Variants in CCDC88A observed in about 807,000 individuals in gnomAD.
The protein encoded by CCDC88A is coiled-coil and HOOK domain protein 88A.
A neutral mutation model predicts 234.3 loss-of-function variants in CCDC88A; 54 were observed. The ratio of observed to expected loss-of-function variants is 0.23; its 90% CI spans 0.19 to 0.29. CCDC88A has a LOEUF of 0.29. Among genes scored for constraint, CCDC88A ranks in the 10% least tolerant of loss-of-function variants. CCDC88A has a pLI of 1.00. For missense variants in CCDC88A, 1,832 were observed against 2,123.4 expected, an observed-to-expected ratio of 0.86 and a Z score of 2.70; for synonymous variants, 753 against 737.8, an observed-to-expected ratio of 1.02 and a Z score of -0.33.
chr2:55,315,743 T>C (rs1310565908), intron 22 of CCDC88A, among the ~76,000 whole-genome samples, 185 bp downstream of exon 22: 1 of 152,222 alleles, frequency 6.6e-6, no homozygotes, highest in Non-Finnish European at 1.5e-5. Flanking sequence ...TTTTAAAATA[T>C]TGTAATTAAT....
At chr2:55,381,777 T>A (rs73939645) in intron 3 of CCDC88A, among the ~76,000 whole-genome samples, 5,250 of 152,216 alleles carry the variant, frequency 0.034, 274 homozygotes, top group African/African-American at 0.12. Flanking sequence ...TTAACACTTC[T>A]GGCAAAGGTC....
chr2:55,313,936 T>C (rs1682650658), intron 22 of CCDC88A: 1 of 152,230 alleles, frequency 6.6e-6, no homozygotes, highest in Admixed American at 6.5e-5. Flanking sequence ...ATTTATTTTC[T>C]TCCCTGTACC....
intron 3 of CCDC88A, among the ~76,000 whole-genome samples, chr2:55,381,170 C>T (rs188954342): frequency 6.6e-6 from 1 of 152,134 alleles, no homozygotes; most frequent in East Asian, 1.9e-4. Flanking sequence ...CACCATATAC[C>T]GTAGGTGTGT....
rs540350974 is a variant in CCDC88A at position 55,398,856 on chromosome 2, C to A, written c.165-9970G>T. ...CTCCCACCTGGGTGACAGAGCAAGA[C>A]CCTGCCTAACAAAAAAAAAAAGAAA... On this transcript the variant is annotated intron_variant, in intron 2 of 32. Transcript: ENST00000436346. 1.7e-3 allele frequency among the ~76,000 whole-genome samples: 254 copies of A among 151,246 alleles called. 3 individuals are homozygous for A. Among genetic ancestry groups the A allele is most frequent in the Middle Eastern group, 3.4e-3 (1 of 290 alleles).
chr2:55,296,645 AT>A, intron 29 of CCDC88A, 122 bp from the exon 30 acceptor site: 1 of 892,344 alleles, frequency 1.1e-6, no homozygotes, highest in Non-Finnish European at 1.7e-6. Context: ...TTCAAGCTTT[AT>A]TTAGAAATGC....
chr2:55,338,556 G>A (rs1668077667), intron 13 of CCDC88A, among the ~76,000 whole-genome samples: 2 of 152,310 alleles, frequency 1.3e-5, no homozygotes, highest in South Asian at 4.1e-4. Context: ...TTAAGATTCA[G>A]GTTTCATAAT....
intron 31 of CCDC88A, 100 bp from the exon 32 acceptor site, chr2:55,291,875 G>A: frequency 1.3e-6 from 1 of 796,090 alleles, no homozygotes; most frequent in Non-Finnish European, 2.0e-6. Flanking sequence ...CAAGGAGAAG[G>A]AATCTGTAAC....
At chr2:55,372,090 C>A (rs1672931711) in intron 5 of CCDC88A, among the ~76,000 whole-genome samples, 1 of 151,952 alleles carries the variant, frequency 6.6e-6, no homozygotes, top group Non-Finnish European at 1.5e-5. Flanking sequence ...TTCTCTTCTC[C>A]CTTCCCTTCT....
rs140624124 is a variant in CCDC88A at position 55,380,910 on chromosome 2, C to T, written c.274-6027G>A. On this transcript the variant is annotated intron_variant, in intron 3 of 32. Coordinates refer to ENST00000436346, the MANE Select transcript of CCDC88A (RefSeq NM_001365480.1). Reference sequence around the variant, plus strand: ...GGATTACAGGCATGAGCCACTGGGCCCAGCCAACCACAGTTTTTAGTTGAC... The same window carrying T: ...GGATTACAGGCATGAGCCACTGGGCTCAGCCAACCACAGTTTTTAGTTGAC... 5.0e-3 allele frequency among the ~76,000 whole-genome samples: 767 copies of T among 152,262 alleles called. 11 individuals carry two copies. The highest frequency in any genetic ancestry group is 0.018 in the African/African-American group (741 of 41,542).
At chr2:55,291,806 G>C (rs763669883) in intron 31 of CCDC88A, 31 bp from the exon 32 acceptor site, 17 of 1,548,598 alleles carry the variant, frequency 1.1e-5, no homozygotes, top group Non-Finnish European at 8.0e-6. Context: ...ATGTTATTTA[G>C]TCAAAGATGA....
intron 3 of CCDC88A, among the ~76,000 whole-genome samples, chr2:55,375,801 T>A (rs945351350): frequency 6.6e-6 from 1 of 151,970 alleles, no homozygotes; most frequent in Non-Finnish European, 1.5e-5. Context: ...GTGTTGAGAT[T>A]ACAGGCATAA....
chr2:55,380,904 C>T (rs939360558), intron 3 of CCDC88A, among the ~76,000 whole-genome samples: 1 of 152,256 alleles, frequency 6.6e-6, no homozygotes, highest in African/African-American at 2.4e-5. Context: ...GCATGAGCCA[C>T]TGGGCCCAGC....
At chr2:55,406,696 C>G (rs1459621895) in intron 2 of CCDC88A, among the ~76,000 whole-genome samples, 1 of 151,932 alleles carries the variant, frequency 6.6e-6, no homozygotes, top group African/African-American at 2.4e-5. Context: ...GAGGCAGAGG[C>G]TGCAGTGAGC....
At chr2:55,314,320 T>C (rs1682706836) in intron 22 of CCDC88A, 2 of 152,262 alleles carry the variant, frequency 1.3e-5, no homozygotes, top group South Asian at 4.1e-4. Context: ...TTACTGTCCA[T>C]TACCACTAAG....
intron 25 of CCDC88A, among the ~76,000 whole-genome samples, chr2:55,307,435 A>G (rs754331734): frequency 6.9e-6 from 1 of 145,928 alleles, no homozygotes; most frequent in Non-Finnish European, 1.5e-5. Context: ...TCTCAGCCTC[A>G]GCCTCTGCCT....
At chr2:55,409,033 A>G (rs1680046040) in intron 2 of CCDC88A, among the ~76,000 whole-genome samples, 1 of 151,292 alleles carries the variant, frequency 6.6e-6, no homozygotes, top group Non-Finnish European at 1.5e-5. Context: ...TCAGTTTCTG[A>G]GCAGCTAAGC....
At chr2:55,372,863 G>A (rs778067799) in intron 4 of CCDC88A, among the ~76,000 whole-genome samples, 6 of 152,230 alleles carry the variant, frequency 3.9e-5, no homozygotes, top group Middle Eastern at 6.8e-3. Context: ...ATGCCACAAA[G>A]GTAGCCAAAA....
intron 3 of CCDC88A, among the ~76,000 whole-genome samples, chr2:55,383,664 A>C (rs950156564): frequency 6.6e-6 from 1 of 151,560 alleles, no homozygotes; most frequent in African/African-American, 2.4e-5. Context: ...AATACTAAAT[A>C]CTAAAATACT....
chr2:55,291,876 A>C (rs1573964993), intron 31 of CCDC88A, 101 bp from the exon 32 acceptor site: 1 of 763,478 alleles, frequency 1.3e-6, no homozygotes. Context: ...AAGGAGAAGG[A>C]ATCTGTAACT....
Sources: allele counts gnomAD v4.1 joint callset (sites outside exome capture counted in the v4.1 genomes callset), GRCh38; gene constraint gnomAD v4.1.1; transcripts MANE v1.5; gene names NCBI Gene and HGNC (gene_info 2026-07-23, HGNC 2026-07-21).